Variants in TMEM50A observed in about 807,000 individuals in gnomAD.
TMEM50A encodes the protein transmembrane protein 50A.
A neutral mutation model predicts 23.9 loss-of-function variants in TMEM50A; 8 were observed. The observed-to-expected ratio is 0.33, with a 90% CI of 0.20 to 0.60. The LOEUF (loss-of-function observed/expected upper bound fraction) is 0.60, where lower values mean the gene tolerates loss of function less well. Ranked by LOEUF, TMEM50A falls within the 20% of genes least tolerant of loss-of-function variation. The probability of loss-of-function intolerance (pLI) is 0.81; values close to 1 mark genes in which losing one functional copy is unlikely to be tolerated. For missense variants in TMEM50A, 178 were observed against 192.7 expected (o/e 0.92, Z 0.45); for synonymous variants, 55 against 60.4 (o/e 0.91, Z 0.41).
intron 6 of TMEM50A, among the ~76,000 whole-genome samples, chr1:25,357,669 A>G (rs1024730842): frequency 3.4e-5 from 5 of 145,892 alleles, no homozygotes; most frequent in Non-Finnish European, 6.0e-5. Flanking sequence ...ACAGAGTCTC[A>G]GTCTCTCACC....
At chr1:25,352,749 C>T (rs1645286141) in intron 4 of TMEM50A, 133 bp from the exon 5 acceptor site, 5 of 711,222 alleles carry the variant, frequency 7.0e-6, no homozygotes, top group Non-Finnish European at 1.1e-5. Context: ...TTAACACATC[C>T]TTTACTGTTC....
intron 6 of TMEM50A, among the ~76,000 whole-genome samples, chr1:25,358,768 G>A (rs1399244166): frequency 6.6e-6 from 1 of 152,224 alleles, no homozygotes; most frequent in Non-Finnish European, 1.5e-5. Context: ...CTTGTGACGA[G>A]TATTCTGAAG....
chr1:25,343,182 T>C (rs1389515293), intron 3 of TMEM50A, 109 bp downstream of exon 3: 7 of 797,462 alleles, frequency 8.8e-6, no homozygotes, highest in Middle Eastern at 5.3e-4. Context: ...ATTAACACAC[T>C]GGACATGATT....
intron 6 of TMEM50A, among the ~76,000 whole-genome samples, chr1:25,357,452 C>G (rs949072791): frequency 6.6e-6 from 1 of 152,172 alleles, no homozygotes; most frequent in African/African-American, 2.4e-5. Context: ...AACCAGCCCC[C>G]ACAACCTACC....
chr1:25,345,250 GC>G (rs1645202471), intron 3 of TMEM50A, among the ~76,000 whole-genome samples: 1 of 151,794 alleles, frequency 6.6e-6, no homozygotes. Context: ...TTTGAGACCA[GC>G]CTGGCCAACG....
intron 3 of TMEM50A, among the ~76,000 whole-genome samples, chr1:25,348,107 T>G (rs892755695): frequency 6.6e-6 from 1 of 152,210 alleles, no homozygotes; most frequent in African/African-American, 2.4e-5. Context: ...TACATTCTGT[T>G]GCATTAACAT....
intron 3 of TMEM50A, among the ~76,000 whole-genome samples, chr1:25,344,823 T>G (rs1447893704): frequency 6.6e-6 from 1 of 152,066 alleles, no homozygotes; most frequent in African/African-American, 2.4e-5. Context: ...AGTTACTATG[T>G]GGAATGTAGT....
Position 25,360,783 on chromosome 1 carries a change from A to G in TMEM50A, c.*78A>G. 1 of 1,472,232 alleles carries G rather than the reference A, an allele frequency of 6.8e-7. No individual in the cohort carries two copies. Among genetic ancestry groups the G allele is most frequent in the East Asian group, 2.3e-5 (1 of 44,014 alleles). 91.2% of individuals were successfully genotyped at this position (1,472,232 alleles called of 1,614,324 possible). Reference sequence around the variant, plus strand: ...TTACTGCTCACTCCCAACCTTTTGTAATGCCATTTTCTAAACTTATTTCTG... The same window carrying G: ...TTACTGCTCACTCCCAACCTTTTGTGATGCCATTTTCTAAACTTATTTCTG... On this transcript the variant is annotated 3_prime_UTR_variant, in exon 7 of 7. Coordinates refer to ENST00000374358, the MANE Select transcript of TMEM50A (RefSeq NM_014313.4).
At position 25,342,984 on chromosome 1, in the gene TMEM50A, C is replaced by T. The variant is rs777750413; in HGVS notation, c.117C>T (p.Ile39=). 6.2e-7 allele frequency: 1 copy of T among 1,613,442 alleles called. No homozygotes were observed. Among genetic ancestry groups the T allele is most frequent in the Non-Finnish European group, 8.5e-7 (1 of 1,179,756 alleles). The change falls in exon 3 of 7, where the codon ATC becomes ATT. Residue 39 remains isoleucine (I), a synonymous_variant. Transcript: ENST00000374358. ...AGTTTTTTACAGGCTGGTGGATTAT[C>T]ATAGATGCAGCTGTTATTTATCCCA... ...GVLFFTGWWI[I]IDAAVIYPTM...
At chr1:25,353,439 C>T (rs551015179) in intron 5 of TMEM50A, among the ~76,000 whole-genome samples, 90 of 152,266 alleles carry the variant, frequency 5.9e-4, no homozygotes, top group Admixed American at 2.3e-3. Flanking sequence ...CACACAACCA[C>T]ACCCAGCTAA....
intron 3 of TMEM50A, among the ~76,000 whole-genome samples, chr1:25,349,601 A>G (rs1055219860): frequency 4.6e-5 from 7 of 152,228 alleles, no homozygotes; most frequent in African/African-American, 1.7e-4. Flanking sequence ...TTACTGTGAA[A>G]AAAACTAGGA....
intron 3 of TMEM50A, among the ~76,000 whole-genome samples, chr1:25,348,415 G>A (rs926583428): frequency 1.3e-5 from 2 of 152,070 alleles, no homozygotes; most frequent in Admixed American, 6.5e-5. Context: ...GGCCGGGCAC[G>A]GTGGCTCACG....
chr1:25,343,590 G>A (rs1251421996), intron 3 of TMEM50A, among the ~76,000 whole-genome samples: 1 of 152,110 alleles, frequency 6.6e-6, no homozygotes, highest in East Asian at 1.9e-4. Context: ...TAGAGAGGGT[G>A]TCTCATTATG....
At chr1:25,347,435 C>T (rs2124245893) in intron 3 of TMEM50A, among the ~76,000 whole-genome samples, 1 of 152,212 alleles carries the variant, frequency 6.6e-6, no homozygotes, top group East Asian at 1.9e-4. Flanking sequence ...AGGGTTTCAC[C>T]ATGTTGGCCA....
chr1:25,357,211 G>A (rs1055311506), intron 6 of TMEM50A, among the ~76,000 whole-genome samples: 1 of 152,118 alleles, frequency 6.6e-6, no homozygotes, highest in African/African-American at 2.4e-5. Flanking sequence ...TTAAATTTTG[G>A]TTTCTGATAT....
At chr1:25,344,313 G>A (rs1181904286) in intron 3 of TMEM50A, among the ~76,000 whole-genome samples, 1 of 152,152 alleles carries the variant, frequency 6.6e-6, no homozygotes, top group African/African-American at 2.4e-5. Flanking sequence ...GGAATGAAAT[G>A]ACCTTATATT....
At chr1:25,342,862 G>A in intron 2 of TMEM50A, 99 bp from the exon 3 acceptor site, 1 of 861,710 alleles carries the variant, frequency 1.2e-6, no homozygotes, top group Middle Eastern at 2.6e-4. Flanking sequence ...GAACATTTTT[G>A]AAATGTATTA....
At chr1:25,339,571 T>G (rs1417581567) in intron 1 of TMEM50A, among the ~76,000 whole-genome samples, 1 of 152,228 alleles carries the variant, frequency 6.6e-6, no homozygotes. Flanking sequence ...TTGATTTAGG[T>G]GTGAAGAAAC....
intron 3 of TMEM50A, among the ~76,000 whole-genome samples, chr1:25,344,315 C>T (rs1245686539): frequency 6.6e-6 from 1 of 152,102 alleles, no homozygotes; most frequent in African/African-American, 2.4e-5. Flanking sequence ...AATGAAATGA[C>T]CTTATATTTT....
Sources: gnomAD v4.1 joint callset for allele counts (sites outside exome capture counted in the v4.1 genomes callset) on GRCh38, gnomAD v4.1.1 for gene constraint, MANE v1.5 for transcripts, NCBI Gene and HGNC (gene_info 2026-07-23, HGNC 2026-07-21) for gene names.